Variants in YWHAE observed in about 807,000 individuals in gnomAD.
YWHAE encodes the protein 14-3-3 protein epsilon.
YWHAE carries 4 observed loss-of-function variants against 30.1 expected under a neutral mutation model. The ratio of observed to expected loss-of-function variants is 0.13; its 90% CI spans 0.07 to 0.30. YWHAE has a LOEUF of 0.30. Among genes scored for constraint, YWHAE ranks in the 10% least tolerant of loss-of-function variants. The pLI, the probability that YWHAE is intolerant of heterozygous loss-of-function variation, is 1.00. For missense variants in YWHAE, 121 were observed against 315.9 expected (o/e 0.38, Z 4.68); for synonymous variants, 118 against 111.8 (o/e 1.06, Z -0.35).
intron 1 of YWHAE, among the ~76,000 whole-genome samples, chr17:1,373,838 CAG>C (rs2073083073): frequency 6.6e-6 from 1 of 152,126 alleles, no homozygotes; most frequent in Non-Finnish European, 1.5e-5. Flanking sequence ...CACAATCAAA[CAG>C]GGTGTACCTA....
intron 1 of YWHAE, among the ~76,000 whole-genome samples, chr17:1,370,653 A>C (rs2073026407): frequency 6.6e-6 from 1 of 151,670 alleles, no homozygotes; most frequent in African/African-American, 2.4e-5. Flanking sequence ...CTGGTCTTAA[A>C]CTCCTGACCT....
At chr17:1,356,614 G>C (rs780797038) in intron 4 of YWHAE, among the ~76,000 whole-genome samples, 10 of 152,320 alleles carry the variant, frequency 6.6e-5, no homozygotes, top group Admixed American at 3.3e-4. Flanking sequence ...AATAGCCACA[G>C]CTTCTTCAGT....
At chr17:1,360,523 A>G (rs1162253585) in intron 4 of YWHAE, among the ~76,000 whole-genome samples, 1 of 152,108 alleles carries the variant, frequency 6.6e-6, no homozygotes, top group African/African-American at 2.4e-5. Flanking sequence ...GCACTTTGGG[A>G]GGCGAAGGCG....
rs928392243 is a variant in YWHAE, at chr17:1,400,197, C to G, written c.-87G>C. 2.4e-5 allele frequency: 37 copies of G among 1,530,318 alleles called. No homozygotes were observed. The highest frequency in any genetic ancestry group is 3.1e-5 in the Non-Finnish European group (34 of 1,108,860). The allele number at this position is 1,530,318 out of a possible 1,614,324, so 94.8% of individuals were successfully genotyped here. A position where few individuals can be genotyped will look rare whatever the true frequency, so the allele number is the denominator to read the frequency against. On this transcript the variant is annotated 5_prime_UTR_variant, in exon 1 of 6. Transcript: ENST00000264335. ...CTCAGCCTCTCGCTCCGCGTCCGGGCAGCAAAAATGGCGGCGCCTCAATCC... is the reference window on the plus strand; with the variant it reads ...CTCAGCCTCTCGCTCCGCGTCCGGGGAGCAAAAATGGCGGCGCCTCAATCC...
intron 3 of YWHAE, 126 bp downstream of exon 3, chr17:1,361,776 T>G (rs1302244140): frequency 3.3e-6 from 2 of 597,704 alleles, no homozygotes; most frequent in East Asian, 6.0e-5. Flanking sequence ...CATTACAATA[T>G]TAACTATCCT....
chr17:1,345,588 G>T, intron 5 of YWHAE, 89 bp from the exon 6 acceptor site: 2 of 1,373,158 alleles, frequency 1.5e-6, no homozygotes, highest in Non-Finnish European at 2.1e-6. Context: ...CAAGCATAAA[G>T]ACTCTTCTAC....
intron 1 of YWHAE, among the ~76,000 whole-genome samples, chr17:1,393,902 A>C (rs1235024626): frequency 6.6e-6 from 1 of 152,220 alleles, no homozygotes; most frequent in Admixed American, 6.5e-5. Context: ...ATCTCTGAAA[A>C]AAACCATCAG....
chr17:1,393,485 C>T (rs1231967478), intron 1 of YWHAE, among the ~76,000 whole-genome samples: 2 of 152,142 alleles, frequency 1.3e-5, no homozygotes, highest in African/African-American at 4.8e-5. Context: ...GACTGGAGTG[C>T]AATGGTGCGA....
At chr17:1,381,655 C>T (rs2073209387) in intron 1 of YWHAE, among the ~76,000 whole-genome samples, 2 of 152,030 alleles carry the variant, frequency 1.3e-5, no homozygotes, top group South Asian at 4.2e-4. Flanking sequence ...AAGGCTCAGG[C>T]CTGTAATCCC....
intron 1 of YWHAE, among the ~76,000 whole-genome samples, chr17:1,387,867 C>T (rs1009156542): frequency 6.6e-6 from 1 of 151,436 alleles, no homozygotes; most frequent in Admixed American, 6.6e-5. Context: ...CTCAGGTGAT[C>T]CACCCTTCTT....
intron 4 of YWHAE, among the ~76,000 whole-genome samples, chr17:1,356,033 G>A (rs2072735176): frequency 6.6e-6 from 1 of 152,200 alleles, no homozygotes; most frequent in Non-Finnish European, 1.5e-5. Context: ...GCCGGGAGCA[G>A]TGGCAGGTGC....
chr17:1,362,841 T>C (rs995220906), intron 2 of YWHAE, among the ~76,000 whole-genome samples: 3 of 152,150 alleles, frequency 2.0e-5, no homozygotes, highest in African/African-American at 7.2e-5. Context: ...CTGACAGCTT[T>C]TCCAATAGAG....
intron 1 of YWHAE, among the ~76,000 whole-genome samples, chr17:1,395,219 C>G (rs1359773407): frequency 6.6e-6 from 1 of 151,924 alleles, no homozygotes; most frequent in Non-Finnish European, 1.5e-5. Context: ...ATGGTAAAAC[C>G]CTGTCTCTAC....
rs1170146720 is a variant in YWHAE at position 1,381,605 on chromosome 17, T to C, written c.65-16547A>G. On this transcript the variant is annotated intron_variant, in intron 1 of 5. Transcript: ENST00000264335. Reference sequence around the variant, plus strand: ...AGGGGAATTTCAAACTATCAACTAATCAAAACGTAACATAAATGCACTGAG... The same window carrying C: ...AGGGGAATTTCAAACTATCAACTAACCAAAACGTAACATAAATGCACTGAG... Among the ~76,000 whole-genome samples, 3 of 151,332 alleles carry C rather than the reference T, an allele frequency of 2.0e-5. No individual in the cohort carries two copies. The East Asian group carries it at 5.9e-4, about 30-fold the overall frequency.
chr17:1,372,183 CT>C (rs1363096788), intron 1 of YWHAE, among the ~76,000 whole-genome samples: 2 of 152,166 alleles, frequency 1.3e-5, no homozygotes, highest in Non-Finnish European at 2.9e-5. Context: ...TTCCTTAAAC[CT>C]TACTAACCAA....
intron 5 of YWHAE, chr17:1,347,888 C>G (rs896044558): frequency 4.6e-6 from 4 of 872,892 alleles, no homozygotes; most frequent in Non-Finnish European, 5.5e-6. Flanking sequence ...AGCAACAGGA[C>G]GATCATACGC....
At chr17:1,398,003 T>G (rs1028429256) in intron 1 of YWHAE, among the ~76,000 whole-genome samples, 7 of 152,118 alleles carry the variant, frequency 4.6e-5, no homozygotes, top group African/African-American at 1.7e-4. Flanking sequence ...ATCAAAAATA[T>G]AATTATCACT....
intron 1 of YWHAE, among the ~76,000 whole-genome samples, chr17:1,378,485 T>A (rs2073156342): frequency 6.6e-6 from 1 of 152,228 alleles, no homozygotes; most frequent in Non-Finnish European, 1.5e-5. Flanking sequence ...TTGTTACTAT[T>A]CAGAAATATA....
intron 1 of YWHAE, 91 bp from the exon 2 acceptor site, chr17:1,365,149 C>A (rs946941535): frequency 3.8e-6 from 5 of 1,313,796 alleles, no homozygotes; most frequent in Non-Finnish European, 5.2e-6. Context: ...CAAGCTACTG[C>A]GAAAAAAACA....
Sources: allele counts gnomAD v4.1 joint callset (sites outside exome capture counted in the v4.1 genomes callset), GRCh38; gene constraint gnomAD v4.1.1; transcripts MANE v1.5; gene names NCBI Gene and HGNC (gene_info 2026-07-23, HGNC 2026-07-21).